The following PTPRN variants were observed in gnomAD, a reference collection of about 807,000 sequenced individuals.
The protein encoded by PTPRN is protein tyrosine phosphatase receptor type N.
A neutral mutation model predicts 108.5 loss-of-function variants in PTPRN; 70 were observed. That is an observed-to-expected ratio of 0.65 (90% confidence interval 0.53 to 0.79). The LOEUF (loss-of-function observed/expected upper bound fraction) is 0.79. PTPRN is among the 30% of genes least tolerant of loss of function. The pLI is 0.00. For synonymous variants in PTPRN, 496 were observed against 524.6 expected, an observed-to-expected ratio of 0.95 and a Z score of 0.75; for missense variants, 1,136 against 1,295.5, an observed-to-expected ratio of 0.88 and a Z score of 1.89.
At chr2:219,295,873 T>C (rs949096180) in intron 18 of PTPRN, 2 of 230,724 alleles carry the variant, frequency 8.7e-6, no homozygotes, top group African/African-American at 4.6e-5. Flanking sequence ...CTGTCTAATA[T>C]ACACTTAGCT....
Position 219,297,370 on chromosome 2 carries a change from G to C in PTPRN, c.1951C>G (p.Pro651Ala), listed in dbSNP as rs1952228768. ...GAGGACACACTGCTCACCCGTGAAG[G>C]CTCCGGTGGACCCTCTGCCCGGTTG... Reference protein sequence around the residue: ...LFNRAEGPPEPSRVSSVSSQF... With the variant: ...LFNRAEGPPEASRVSSVSSQF... The change falls in exon 14 of 23, where the codon CCT (proline) becomes GCT (alanine). Residue 651 changes from proline to alanine, a missense_variant. Pro to Ala is a conservative substitution (Grantham distance 27). Coordinates refer to ENST00000295718, the MANE Select transcript of PTPRN (RefSeq NM_002846.4). The surrounding 1 kb of genome is among the most constrained non-coding windows in gnomAD (Gnocchi z 6.0). The C allele has an allele frequency of 1.2e-6, 2 of 1,614,068 alleles. No homozygotes were observed. Among genetic ancestry groups the C allele is most frequent in the Non-Finnish European group, 1.7e-6 (2 of 1,180,038 alleles).
chr2:219,292,291 C>T (rs1462670641), intron 19 of PTPRN: 2 of 152,624 alleles, frequency 1.3e-5, no homozygotes, highest in East Asian at 3.8e-4. Context: ...TCCACTGCCC[C>T]TGACCACAAC....
At chr2:219,303,888 G>T in intron 3 of PTPRN, 57 bp from the exon 4 acceptor site, 3 of 1,333,146 alleles carry the variant, frequency 2.3e-6, no homozygotes, top group Admixed American at 1.9e-5. Context: ...CCAGTAACGG[G>T]GACCACTGGG....
At position 219,297,114 on chromosome 2, in the gene PTPRN, G is replaced by A. The variant is rs778215942; in HGVS notation, c.2107C>T (p.Leu703=). Residue 703 remains leucine, a synonymous_variant, in exon 15 of 23, where the codon CTG becomes TTG. Coordinates refer to ENST00000295718, the MANE Select transcript of PTPRN (RefSeq NM_002846.4). The surrounding 1 kb of genome is among the most constrained non-coding windows in gnomAD (Gnocchi z 6.0). ...HMILAYMEDH[L]RNRDRLAKEW... ...TTGGCAAGGCGGTCCCGGTTCCGCA[G>A]GTGATCCTCCATGTATGCCTGTGGG... is the stretch of plus-strand genomic sequence containing the variant. 4 of 1,614,084 alleles carry A rather than the reference G, an allele frequency of 2.5e-6. No individual in the cohort carries two copies. The highest frequency in any genetic ancestry group is 3.3e-5 in the Admixed American group (2 of 60,028).
At chr2:219,298,860 G>T in intron 12 of PTPRN, 187 bp downstream of exon 12, 2 of 691,026 alleles carry the variant, frequency 2.9e-6, no homozygotes, top group Non-Finnish European at 5.2e-6. Context: ...GCAGGGAGGG[G>T]ACACCTACGC....
In PTPRN at chr2:219,307,859, G is replaced by A. The variant is rs533142128; in HGVS notation, c.116-17C>T. 9.4e-5 allele frequency: 151 copies of A among 1,613,630 alleles called. No homozygotes were observed. The highest frequency in any genetic ancestry group is 1.3e-4 in the Non-Finnish European group (150 of 1,179,656). ...ATAGACAGCCTGTAGAGGAAAAGGT[G>A]AGCAGAGGCTCAGACACCCACTCAC... is the stretch of plus-strand genomic sequence containing the variant. On this transcript the variant is annotated splice_polypyrimidine_tract_variant and intron_variant, in intron 1 of 22. Transcript: ENST00000295718.
At chr2:219,305,224 C>T (rs575379425) in intron 3 of PTPRN, among the ~76,000 whole-genome samples, 88 of 151,984 alleles carry the variant, frequency 5.8e-4, no homozygotes, top group African/African-American at 2.1e-3. Context: ...GTTGATGGTT[C>T]CTCTCTTTAT....
intron 8 of PTPRN, among the ~76,000 whole-genome samples, chr2:219,300,735 G>A (rs939335559): frequency 6.6e-6 from 1 of 152,180 alleles, no homozygotes; most frequent in Non-Finnish European, 1.5e-5. Context: ...AAAGAGGAAT[G>A]AATTAAGAAT....
chr2:219,306,308 G>A (rs767451226), intron 3 of PTPRN, among the ~76,000 whole-genome samples: 8 of 151,998 alleles, frequency 5.3e-5, no homozygotes, highest in Non-Finnish European at 8.8e-5. Flanking sequence ...AATCACCTTG[G>A]CCCCATCCAC....
chr2:219,294,929 C>A (rs986651962), intron 19 of PTPRN, 46 bp downstream of exon 19: 1 of 1,409,002 alleles, frequency 7.1e-7, no homozygotes, highest in African/African-American at 1.5e-5. Flanking sequence ...ACCCCGGCTC[C>A]GCCCCCGCCC....
chr2:219,296,894 C>A lies in PTPRN; in HGVS notation c.2237-72G>T, dbSNP rs1010853721. On this transcript the variant is annotated intron_variant, in intron 15 of 22. Transcript: ENST00000295718. This position sits in a 1 kb window ranked among gnomAD's most constrained non-coding sequence, Gnocchi z 6.0. ...CATCGCGGGACCTCTGCCACTCAGC[C>A]TGAGCCAGAAGCCCAACCCCTTACC... 5 of 1,612,850 alleles carry A rather than the reference C, an allele frequency of 3.1e-6. No individual in the cohort carries two copies. The highest frequency in any genetic ancestry group is 4.2e-6 in the Non-Finnish European group (5 of 1,179,148).
intron 3 of PTPRN, among the ~76,000 whole-genome samples, chr2:219,305,775 C>A (rs775190887): frequency 2.6e-5 from 4 of 152,116 alleles, no homozygotes; most frequent in Non-Finnish European, 5.9e-5. Flanking sequence ...AGCTGAACAC[C>A]CCCACCAAGT....
At chr2:219,304,116 G>T (rs1952425184) in intron 3 of PTPRN, 1 of 270,296 alleles carries the variant, frequency 3.7e-6, no homozygotes, top group African/African-American at 2.3e-5. Context: ...CAATAAAATG[G>T]GGATTTATAC....
chr2:219,308,849 C>T, intron 1 of PTPRN: 1 of 1,322,920 alleles, frequency 7.6e-7, no homozygotes, highest in Non-Finnish European at 1.0e-6. Flanking sequence ...TCCCCGCCAC[C>T]TCCCCTTCCC....
chr2:219,291,706 T>C (rs1008279309), intron 19 of PTPRN, 183 bp from the exon 20 acceptor site: 5 of 640,812 alleles, frequency 7.8e-6, no homozygotes, highest in East Asian at 5.5e-5. Flanking sequence ...GTGGGTGGCA[T>C]TGGGCTCGCC....
chr2:219,299,473 G>C, intron 10 of PTPRN, 89 bp from the exon 11 acceptor site: 1 of 1,430,140 alleles, frequency 7.0e-7, no homozygotes, highest in Non-Finnish European at 9.9e-7. Context: ...CCCCGTTAGA[G>C]GATGGGGCTG....
At chr2:219,294,250 A>C in intron 19 of PTPRN, 1 of 448,076 alleles carries the variant, frequency 2.2e-6, no homozygotes, top group Non-Finnish European at 4.7e-6. Flanking sequence ...GAGAGAGGAA[A>C]GACAGGCAGC....
intron 19 of PTPRN, chr2:219,292,619 C>A (rs1952076681): frequency 6.6e-6 from 1 of 152,168 alleles, no homozygotes; most frequent in African/African-American, 2.4e-5. Context: ...TAATAGGCAG[C>A]ATCTAGAATT....
chr2:219,304,340 A>G (rs1398606582), intron 3 of PTPRN, among the ~76,000 whole-genome samples: 1 of 152,186 alleles, frequency 6.6e-6, no homozygotes, highest in East Asian at 1.9e-4. Flanking sequence ...ATCAAGTGTG[A>G]TCAGGGAAAT....
Sources: gnomAD v4.1 joint callset for allele counts (sites outside exome capture counted in the v4.1 genomes callset) on GRCh38, gnomAD v4.1.1 for gene constraint, Gnocchi (gnomAD v3.1) non-coding constraint, MANE v1.5 for transcripts, NCBI Gene and HGNC (gene_info 2026-07-23, HGNC 2026-07-21) for gene names.